The following KANSL2 variants were observed in gnomAD, a reference collection of about 807,000 sequenced individuals.
KANSL2 encodes NSL complex protein NSL2.
Under a neutral mutation model 55.6 loss-of-function variants are expected in KANSL2, and 34 were observed. The observed-to-expected ratio is 0.61, with a 90% confidence interval of 0.46 to 0.81. KANSL2 has a LOEUF of 0.81. KANSL2 is among the 40% of genes least tolerant of loss of function. The pLI, the probability that KANSL2 is intolerant of heterozygous loss-of-function variation, is 0.00. For missense variants in KANSL2, 502 were observed against 609.9 expected (o/e 0.82, Z 1.86); for synonymous variants, 209 against 214.3 (o/e 0.98, Z 0.22).
At chr12:48,658,798 T>C (rs1939437176) in intron 8 of KANSL2, 1 of 152,162 alleles carries the variant, frequency 6.6e-6, no homozygotes, top group Non-Finnish European at 1.5e-5. Context: ...CACGTTTTGT[T>C]ACTATCTCCA....
intron 8 of KANSL2, among the ~76,000 whole-genome samples, chr12:48,659,448 A>T (rs567184338): frequency 1.3e-5 from 2 of 151,910 alleles, no homozygotes; most frequent in Non-Finnish European, 2.9e-5. Flanking sequence ...ACATAGGGAG[A>T]TCTCATCTAT....
In KANSL2 at chr12:48,664,946, G is replaced by C. The variant is rs557681347; in HGVS notation, c.973+2747C>G. On this transcript the variant is annotated intron_variant, in intron 7 of 9. Coordinates refer to ENST00000420613, the MANE Select transcript of KANSL2 (RefSeq NM_017822.4). ...CTGTCACCCAAAGTAGAATGCAGTG[G>C]CATGATCCTCACTTCAGCTTCAAAC... Among the ~76,000 whole-genome samples, 121 of 146,120 alleles carry C rather than the reference G, an allele frequency of 8.3e-4. 1 individual carries two copies. The highest frequency in any genetic ancestry group is 4.5e-3 in the Admixed American group (65 of 14,458).
At chr12:48,677,704 G>GA (rs1939848151) in intron 4 of KANSL2, among the ~76,000 whole-genome samples, 1 of 134,662 alleles carries the variant, frequency 7.4e-6, no homozygotes, top group South Asian at 2.5e-4. Flanking sequence ...AGAATTGCTT[G>GA]AACCTGGGAG....
At position 48,654,097 on chromosome 12, in the gene KANSL2, G is replaced by C. The variant is rs765084330; in HGVS notation, c.1426C>G (p.Gln476Glu). 1 of 1,612,874 alleles carries C rather than the reference G, an allele frequency of 6.2e-7. No individual in the cohort carries two copies. Among genetic ancestry groups the C allele is most frequent in the Admixed American group, 1.7e-5 (1 of 59,800 alleles). ...NSEKASAPLS[Q>E]SGLATANGKP... ...CCATTTGCAGTAGCCAATCCACTCT[G>C]AGACAATGGTGCAGAGGCTTTCTCA... Residue 476 changes from glutamine to glutamate, a missense_variant, in exon 10 of 10, where the codon CAG becomes GAG. By Grantham distance (29) the Gln-to-Glu change is conservative. Coordinates refer to ENST00000420613, the MANE Select transcript of KANSL2 (RefSeq NM_017822.4).
chr12:48,662,725 GA>G (rs979195838), intron 7 of KANSL2: 108 of 1,038,572 alleles, frequency 1.0e-4, no homozygotes, highest in Admixed American at 1.8e-4. Context: ...AGCATAAAAG[GA>G]AAAAAAATAC....
At chr12:48,668,158 T>C (rs1446409885) in intron 6 of KANSL2, among the ~76,000 whole-genome samples, 3 of 152,214 alleles carry the variant, frequency 2.0e-5, no homozygotes, top group Non-Finnish European at 4.4e-5. Flanking sequence ...GAATGATCAC[T>C]TAATTCTTCT....
intron 7 of KANSL2, chr12:48,661,170 C>T: frequency 1.2e-6 from 1 of 843,200 alleles, no homozygotes; most frequent in Non-Finnish European, 1.4e-6. Context: ...GTATCATATC[C>T]TAACAAGAAA....
chr12:48,677,080 A>G (rs1406079745), intron 4 of KANSL2, among the ~76,000 whole-genome samples: 1 of 152,212 alleles, frequency 6.6e-6, no homozygotes, highest in Non-Finnish European at 1.5e-5. Flanking sequence ...TACATGCCTA[A>G]AAATGCATAA....
chr12:48,674,153 G>A (rs1939779104), intron 4 of KANSL2, among the ~76,000 whole-genome samples: 1 of 151,790 alleles, frequency 6.6e-6, no homozygotes. Context: ...TTACTTTTTC[G>A]TTTTTAAGAC....
At chr12:48,667,559 G>T in intron 7 of KANSL2, 134 bp downstream of exon 7, 1 of 780,146 alleles carries the variant, frequency 1.3e-6, no homozygotes, top group Non-Finnish European at 2.3e-6. Flanking sequence ...GAAACCAACA[G>T]CTTCAGCAAA....
chr12:48,654,906 C>T, intron 9 of KANSL2, 35 bp downstream of exon 9: 4 of 1,552,054 alleles, frequency 2.6e-6, no homozygotes, highest in East Asian at 2.4e-5. Flanking sequence ...CAGGTCACTA[C>T]ATGAGGGAAA....
intron 6 of KANSL2, among the ~76,000 whole-genome samples, chr12:48,668,107 CT>C (rs747439973): frequency 4.6e-5 from 7 of 152,144 alleles, no homozygotes; most frequent in Non-Finnish European, 1.0e-4. Flanking sequence ...CAAAATTACT[CT>C]TACTGAAACA....
At chr12:48,656,618 A>G (rs765760981) in intron 8 of KANSL2, 3 of 388,846 alleles carry the variant, frequency 7.7e-6, no homozygotes, top group Non-Finnish European at 1.5e-5. Context: ...TGTAAAAAAA[A>G]AAAAAAAAAA....
At chr12:48,659,130 C>CA (rs1565604466) in intron 8 of KANSL2, among the ~76,000 whole-genome samples, 1 of 151,796 alleles carries the variant, frequency 6.6e-6, no homozygotes, top group African/African-American at 2.4e-5. Context: ...CCTGTCTCTA[C>CA]AAAAAATACA....
chr12:48,681,402 T>A lies in KANSL2; in HGVS notation c.231A>T (p.Pro77=), dbSNP rs1939923679. 1 of 1,613,592 alleles carries A rather than the reference T, an allele frequency of 6.2e-7. No homozygotes were observed. Among genetic ancestry groups the A allele is most frequent in the African/African-American group, 1.3e-5 (1 of 75,024 alleles). ...TATACCCATCTTTCTTCTCTGGCTT[T>A]GGGGCAGCATTGGGACATCTTTTTC... ...KNGKRCPNAA[P]KPEKKDGVSF... The change falls in exon 2 of 10, where the codon CCA becomes CCT. Residue 77 remains proline, a synonymous_variant. Coordinates refer to ENST00000420613, the MANE Select transcript of KANSL2 (RefSeq NM_017822.4).
At chr12:48,679,606 C>A in intron 3 of KANSL2, 49 bp downstream of exon 3, 1 of 1,514,746 alleles carries the variant, frequency 6.6e-7, no homozygotes. Context: ...AAAATAGTTC[C>A]CCCTTAACTT....
intron 2 of KANSL2, among the ~76,000 whole-genome samples, chr12:48,680,681 A>C (rs1351711103): frequency 3.3e-5 from 5 of 152,118 alleles, no homozygotes; most frequent in African/African-American, 4.8e-5. Flanking sequence ...CCCTCCATTA[A>C]GAAGAATTTT....
chr12:48,663,546 C>T (rs990674469), intron 7 of KANSL2, among the ~76,000 whole-genome samples: 5 of 152,090 alleles, frequency 3.3e-5, no homozygotes, highest in African/African-American at 1.2e-4. Flanking sequence ...ATCCCACAGA[C>T]AATAACACTT....
At chr12:48,681,845 C>T (rs1052598385) in intron 1 of KANSL2, 4 of 709,446 alleles carry the variant, frequency 5.6e-6, no homozygotes, top group African/African-American at 3.5e-5. Flanking sequence ...CCCGGCCCCA[C>T]CCCGAACCAC....
Sources: allele counts gnomAD v4.1 joint callset (sites outside exome capture counted in the v4.1 genomes callset), GRCh38; gene constraint gnomAD v4.1.1; transcripts MANE v1.5; gene names NCBI Gene and HGNC (gene_info 2026-07-23, HGNC 2026-07-21).